Variants in AP3B2 observed in about 807,000 individuals in gnomAD.
The protein encoded by AP3B2 is AP-3 complex subunit beta-2.
In AP3B2, 50 loss-of-function variants were observed where a neutral mutation model predicts 126.9. The observed-to-expected ratio is 0.39, with a 90% CI of 0.31 to 0.50. The LOEUF is 0.50. Among genes scored for constraint, AP3B2 ranks in the 20% least tolerant of loss-of-function variants. AP3B2 has a pLI of 0.79. For synonymous variants in AP3B2, 541 were observed against 565.0 expected (o/e 0.96, Z 0.60); for missense variants, 1,177 against 1,426.4 (o/e 0.83, Z 2.82).
In AP3B2 at chr15:82,665,432, C is replaced by T. The variant is rs1222434258; in HGVS notation, c.1971+25G>A. 7 of 1,466,212 alleles carry T rather than the reference C, an allele frequency of 4.8e-6. No individual in the cohort carries two copies. Among genetic ancestry groups the T allele is most frequent in the Non-Finnish European group, 6.6e-6 (7 of 1,061,046 alleles). The allele number at this position is 1,466,212 out of a possible 1,614,324, so 90.8% of individuals were successfully genotyped here. On this transcript the variant is annotated intron_variant, in intron 16 of 26. Transcript: ENST00000535359. The surrounding 1 kb of genome is among the most constrained non-coding windows in gnomAD (Gnocchi z 4.4). ...ACACACACACACACACACACACACA[C>T]ACTTCAACCCTCCACCCCGCTGACC...
chr15:82,672,018 T>G (rs2048167383), intron 14 of AP3B2, among the ~76,000 whole-genome samples: 1 of 152,330 alleles, frequency 6.6e-6, no homozygotes, highest in Non-Finnish European at 1.5e-5. Flanking sequence ...CACTCCAGCC[T>G]GGGTGACAGT....
intron 22 of AP3B2, 76 bp downstream of exon 22, chr15:82,663,051 C>T: frequency 2.0e-6 from 3 of 1,492,912 alleles, no homozygotes; most frequent in South Asian, 1.2e-5. Context: ...CCACCCCCCA[C>T]ACACATCCAC....
rs1282066416 is a variant in AP3B2 at position 82,681,759 on chromosome 15, G to A, written c.361-179C>T. Among the ~76,000 whole-genome samples, 1 of 152,144 alleles carries A rather than the reference G, an allele frequency of 6.6e-6. No individual in the cohort carries two copies. The highest frequency in any genetic ancestry group is 1.5e-5 in the Non-Finnish European group (1 of 68,022). ...CTGGGGGACACTTAATTTTGGCTCTGGTTGCAGAAATCTGACACCTGAACA... is the reference window on the plus strand; with the variant it reads ...CTGGGGGACACTTAATTTTGGCTCTAGTTGCAGAAATCTGACACCTGAACA... On this transcript the variant is annotated intron_variant, in intron 4 of 26. Coordinates refer to ENST00000535359, the MANE Select transcript of AP3B2 (RefSeq NM_001278512.2). This position sits in a 1 kb window ranked among gnomAD's most constrained non-coding sequence, Gnocchi z 4.0.
At chr15:82,660,838 C>T (rs576846953) in intron 25 of AP3B2, among the ~76,000 whole-genome samples, 48 of 152,320 alleles carry the variant, frequency 3.2e-4, no homozygotes, top group Non-Finnish European at 4.7e-4. Context: ...GATCCTTCAT[C>T]GTGCCAATGC....
intron 1 of AP3B2, chr15:82,692,231 A>G (rs1315884557): frequency 9.4e-7 from 1 of 1,058,522 alleles, no homozygotes; most frequent in South Asian, 1.4e-5. Context: ...CGAAGGGCAC[A>G]AGGCAGTGCC....
In AP3B2 at chr15:82,680,546, G is replaced by T. The variant is rs756215154; in HGVS notation, c.981C>A (p.Leu327=). 9.6e-6 allele frequency: 15 copies of T among 1,564,508 alleles called. No homozygotes were observed. The Middle Eastern group carries it at 6.8e-4, about 71-fold the overall frequency. Residue 327 remains leucine, a synonymous_variant, in exon 8 of 27, where the codon CTC becomes CTA. Transcript: ENST00000535359. The surrounding 1 kb of genome is among the most constrained non-coding windows in gnomAD (Gnocchi z 6.1). ...SAAVVMAVAQ[L]YFHLAPKAEV... ...CCGCCTTGGGCGCCAGGTGGAAGTA[G>T]AGCTGCGCCACCGCCATCACCACCG...
At position 82,664,841 on chromosome 15, in the gene AP3B2, C is replaced by T; in HGVS notation, c.2131G>A (p.Asp711Asn). ...AGCTCTGCCATCTGCTCACCACTGT[C>T]TGCGGACTCCGTGGGGCCTGACTCC... ...EGESGPTESA[D>N]SDPESESESD... Residue 711 changes from aspartate (D) to asparagine (N), a missense_variant, in exon 18 of 27, where the codon GAC (aspartate) becomes AAC (asparagine). Around this residue, in one of 5 missense-constraint regions of AP3B2, gnomAD observed 587 missense variants for 571.3 expected, o/e 1.03. Transcript: ENST00000535359. The surrounding 1 kb of genome is among the most constrained non-coding windows in gnomAD (Gnocchi z 4.5). The T allele has an allele frequency of 6.3e-7, 1 of 1,590,770 alleles. No individual in the cohort carries two copies. The highest frequency in any genetic ancestry group is 8.6e-7 in the Non-Finnish European group (1 of 1,167,790).
chr15:82,673,941 C>G (rs2048200077), intron 14 of AP3B2, among the ~76,000 whole-genome samples: 1 of 152,226 alleles, frequency 6.6e-6, no homozygotes, highest in Admixed American at 6.5e-5. Context: ...GCAAACTAAC[C>G]TGCTAGGCAG....
chr15:82,680,567 C>A lies in AP3B2; in HGVS notation c.960G>T (p.Val320=). The A allele has an allele frequency of 6.3e-7, 1 of 1,581,222 alleles. No homozygotes were observed. Among genetic ancestry groups the A allele is most frequent in the East Asian group, 2.3e-5 (1 of 43,820 alleles). The change falls in exon 8 of 27, where the codon GTG becomes GTT. Residue 320 remains valine, a synonymous_variant. Transcript: ENST00000535359. This position sits in a 1 kb window ranked among gnomAD's most constrained non-coding sequence, Gnocchi z 6.1. The part of the protein sequence containing the change: ...KPLLQSRSAA[V]VMAVAQLYFH... ...AGTAGAGCTGCGCCACCGCCATCAC[C>A]ACCGCGGCGCTGCGGCTCTGCAGCA...
chr15:82,676,991 G>T (rs968897470), intron 13 of AP3B2, among the ~76,000 whole-genome samples: 2 of 152,136 alleles, frequency 1.3e-5, no homozygotes, highest in Admixed American at 1.3e-4. Flanking sequence ...TTAGCAGTGC[G>T]ATAGAAAAAC....
rs749830260 is a variant in AP3B2, at chr15:82,664,025, T to G, written c.2262-50A>C. The G allele has an allele frequency of 6.4e-7, 1 of 1,561,968 alleles. No individual in the cohort carries two copies. The highest frequency in any genetic ancestry group is 8.6e-7 in the Non-Finnish European group (1 of 1,158,432). ...CAGGCCTGGCCTGGACACTCCCTCCTTGCTTCACAGAAGCAGGAGAAATGC... is the reference window on the plus strand; with the variant it reads ...CAGGCCTGGCCTGGACACTCCCTCCGTGCTTCACAGAAGCAGGAGAAATGC... On this transcript the variant is annotated intron_variant, in intron 19 of 26. Coordinates refer to ENST00000535359, the MANE Select transcript of AP3B2 (RefSeq NM_001278512.2). The surrounding 1 kb of genome is among the most constrained non-coding windows in gnomAD (Gnocchi z 4.5).
At chr15:82,688,571 C>CT in intron 4 of AP3B2, 165 bp downstream of exon 4, 1 of 725,998 alleles carries the variant, frequency 1.4e-6, no homozygotes, top group Non-Finnish European at 2.5e-6. Context: ...CTTCCACTCT[C>CT]TGAGGGTCTG....
intron 10 of AP3B2, 49 bp from the exon 11 acceptor site, chr15:82,678,216 CT>C: frequency 1.3e-6 from 2 of 1,537,776 alleles, no homozygotes; most frequent in South Asian, 2.3e-5. Context: ...GGCCAGTGGA[CT>C]TTCTGTGCTT....
intron 14 of AP3B2, among the ~76,000 whole-genome samples, chr15:82,672,774 C>T (rs1259721788): frequency 3.9e-5 from 6 of 152,150 alleles, no homozygotes; most frequent in Non-Finnish European, 1.5e-5. Flanking sequence ...AAAAAGAAGA[C>T]GGTCTTGCTA....
rs563075367 is a variant in AP3B2 at position 82,677,985 on chromosome 15, C to T, written c.1245+120G>A. On this transcript the variant is annotated intron_variant, in intron 11 of 26. Transcript: ENST00000535359. ...CCAAAGCCAGCCAAACACATTGGAA[C>T]GGGAATGTAAGATAATAGTTTCTCC... 66 of 1,386,406 alleles carry T rather than the reference C, an allele frequency of 4.8e-5. No individual in the cohort carries two copies. In the African/African-American group the frequency reaches 7.6e-4, roughly 16 times the overall value. The allele number at this position is 1,386,406 out of a possible 1,614,324, so 85.9% of individuals were successfully genotyped here. A position where few individuals can be genotyped will look rare whatever the true frequency, so the allele number is the denominator to read the frequency against.
At position 82,680,567 on chromosome 15, in the gene AP3B2, C is replaced by G. The variant is rs770836675; in HGVS notation, c.960G>C (p.Val320=). ...KPLLQSRSAA[V]VMAVAQLYFH... is the part of the protein sequence containing the mutation. ...AGTAGAGCTGCGCCACCGCCATCAC[C>G]ACCGCGGCGCTGCGGCTCTGCAGCA... Residue 320 remains valine (V), a synonymous_variant, in exon 8 of 27, where the codon GTG becomes GTC. Transcript: ENST00000535359. This position sits in a 1 kb window ranked among gnomAD's most constrained non-coding sequence, Gnocchi z 6.1. 8 of 1,581,106 alleles carry G rather than the reference C, an allele frequency of 5.1e-6. No individual in the cohort carries two copies. The highest frequency in any genetic ancestry group is 6.8e-6 in the Non-Finnish European group (8 of 1,170,944).
intron 1 of AP3B2, chr15:82,692,266 T>G (rs2048549122): frequency 1.2e-6 from 1 of 835,618 alleles, no homozygotes; most frequent in Non-Finnish European, 1.9e-6. Flanking sequence ...ATCTTGCGGA[T>G]CCGGCCGTAC....
intron 25 of AP3B2, among the ~76,000 whole-genome samples, chr15:82,661,175 C>T (rs915455202): frequency 5.3e-5 from 8 of 152,166 alleles, no homozygotes; most frequent in Non-Finnish European, 1.0e-4. Flanking sequence ...TTTCTCCCAC[C>T]TCCCAGAGTG....
At position 82,665,119 on chromosome 15, in the gene AP3B2, TCA is replaced by T; in HGVS notation, c.2028+126_2028+127del. 1 of 1,141,252 alleles carries T rather than the reference TCA, an allele frequency of 8.8e-7. No individual in the cohort carries two copies. The highest frequency in any genetic ancestry group is 1.4e-5 in the South Asian group (1 of 70,122). 70.7% of individuals were successfully genotyped at this position (1,141,252 alleles called of 1,614,324 possible). On this transcript the variant is annotated intron_variant, in intron 17 of 26. Coordinates refer to ENST00000535359, the MANE Select transcript of AP3B2 (RefSeq NM_001278512.2). This position sits in a 1 kb window ranked among gnomAD's most constrained non-coding sequence, Gnocchi z 4.4. ...GTCCATGGAGGGGAGGGAATGCTGC[TCA>T]CAGAGGAGCACTGCCAAACCAAGGT...
Sources: gnomAD v4.1 joint callset for allele counts (sites outside exome capture counted in the v4.1 genomes callset) on GRCh38, gnomAD v4.1.1 for gene constraint, gnomAD v4.1.1 regional missense constraint, Gnocchi (gnomAD v3.1) non-coding constraint, MANE v1.5 for transcripts, NCBI Gene and HGNC (gene_info 2026-07-23, HGNC 2026-07-21) for gene names.